LAMB1: variants seen among roughly 807,000 people sequenced by gnomAD.
LAMB1 encodes laminin subunit beta 1, also known as laminin subunit beta-1.
A neutral mutation model predicts 222.3 loss-of-function variants in LAMB1; 121 were observed. That is an observed-to-expected ratio of 0.54 (90% CI 0.47 to 0.63). LAMB1 has a LOEUF of 0.63. Among genes scored for constraint, LAMB1 ranks in the 30% least tolerant of loss-of-function variants. The probability of loss-of-function intolerance (pLI) is 0.00; values close to 1 mark genes in which losing one functional copy is unlikely to be tolerated. For synonymous variants in LAMB1, 794 were observed against 807.2 expected (o/e 0.98, Z 0.28); for missense variants, 2,172 against 2,240.8 (o/e 0.97, Z 0.62).
chr7:107,993,816 C>T (rs1229819180), intron 5 of LAMB1, among the ~76,000 whole-genome samples: 2 of 152,202 alleles, frequency 1.3e-5, no homozygotes, highest in Non-Finnish European at 2.9e-5. Flanking sequence ...ACCTTCCCCA[C>T]CACTCTCAAT....
chr7:107,974,718 T>A (rs2033816727), intron 12 of LAMB1, among the ~76,000 whole-genome samples: 1 of 152,232 alleles, frequency 6.6e-6, no homozygotes, highest in Non-Finnish European at 1.5e-5. Flanking sequence ...GATATCCTAA[T>A]AGTAAACATT....
intron 3 of LAMB1, 152 bp from the exon 4 acceptor site, chr7:107,998,644 C>T (rs1213103450): frequency 4.8e-6 from 3 of 623,464 alleles, no homozygotes; most frequent in African/African-American, 3.7e-5. Context: ...ATTTGTATCA[C>T]ATCTTTCACT....
At chr7:107,998,264 G>A in intron 4 of LAMB1, 93 bp downstream of exon 4, 1 of 1,272,906 alleles carries the variant, frequency 7.9e-7, no homozygotes, top group South Asian at 1.4e-5. Flanking sequence ...GGACAGAGAA[G>A]TGAATCATAA....
chr7:107,924,138 T>G (rs772064452), intron 33 of LAMB1, 51 bp from the exon 34 acceptor site: 2 of 1,525,372 alleles, frequency 1.3e-6, no homozygotes, highest in Non-Finnish European at 8.8e-7. Flanking sequence ...ACTATGATGA[T>G]CTCAAGACAA....
intron 9 of LAMB1, among the ~76,000 whole-genome samples, chr7:107,977,380 G>A (rs2033888502): frequency 6.6e-6 from 1 of 152,174 alleles, no homozygotes; most frequent in Non-Finnish European, 1.5e-5. Context: ...TATGCCAGAG[G>A]CCGCAGCTGG....
intron 24 of LAMB1, among the ~76,000 whole-genome samples, chr7:107,945,489 GT>G: frequency 6.6e-6 from 1 of 152,334 alleles, no homozygotes; most frequent in South Asian, 2.1e-4. Context: ...AGCTGAGACT[GT>G]TTCCCGAGGG....
intron 24 of LAMB1, among the ~76,000 whole-genome samples, chr7:107,950,153 C>T (rs866452121): frequency 6.6e-6 from 1 of 152,020 alleles, no homozygotes; most frequent in South Asian, 2.1e-4. Context: ...TCGCTTGAAC[C>T]CAGGAGGTGG....
intron 18 of LAMB1, 46 bp from the exon 19 acceptor site, chr7:107,959,880 C>T (rs761390100): frequency 6.3e-7 from 1 of 1,589,110 alleles, no homozygotes; most frequent in South Asian, 1.1e-5. Flanking sequence ...AGCAGCACAT[C>T]ATCGGGCTCT....
chr7:107,969,542 C>T (rs1469296532), intron 13 of LAMB1, among the ~76,000 whole-genome samples: 2 of 152,198 alleles, frequency 1.3e-5, no homozygotes, highest in South Asian at 2.1e-4. Flanking sequence ...GTAAGACCTA[C>T]GTCCTATAAT....
chr7:107,959,275 GT>G lies in LAMB1; in HGVS notation c.2663del (p.Asp888AlafsTer173). On this transcript the variant is annotated frameshift_variant, in exon 20 of 34. Transcript: ENST00000222399. LOFTEE classifies it high-confidence loss of function. ...TTTCACAGTTATGACCCATGGTGTA[GT>G]CCTGGCAGTTCAAGCACTCCCCAGT... is the stretch of plus-strand genomic sequence containing the variant. ...PVTGECLNCQ[D>X]YTMGHNCERC... 6.2e-7 allele frequency: 1 copy of G among 1,614,096 alleles called. No individual in the cohort carries two copies. Among genetic ancestry groups the G allele is most frequent in the Non-Finnish European group, 8.5e-7 (1 of 1,179,942 alleles).
chr7:107,953,257 T>C (rs62467995), intron 22 of LAMB1, among the ~76,000 whole-genome samples: 664 of 151,934 alleles, frequency 4.4e-3, no homozygotes, highest in Non-Finnish European at 8.0e-3. Flanking sequence ...CTCGGGAGGC[T>C]GAGGCATGAG....
intron 20 of LAMB1, among the ~76,000 whole-genome samples, chr7:107,958,261 A>G (rs1429220354): frequency 6.6e-6 from 1 of 152,170 alleles, no homozygotes; most frequent in African/African-American, 2.4e-5. Flanking sequence ...ATCTTTCTAC[A>G]ACACAATTTT....
chr7:108,001,171 C>T (rs2249956), intron 3 of LAMB1, among the ~76,000 whole-genome samples: 91,963 of 152,068 alleles, frequency 0.6, 29,306 homozygotes, highest in African/African-American at 0.81. Flanking sequence ...TCCTCTTTAC[C>T]CAAGTGAAGA....
chr7:107,966,707 T>A (rs528840679), intron 13 of LAMB1, among the ~76,000 whole-genome samples: 1 of 152,248 alleles, frequency 6.6e-6, no homozygotes, highest in African/African-American at 2.4e-5. Flanking sequence ...ATCCAAAACA[T>A]GAACCACCAA....
chr7:107,931,235 G>T, intron 29 of LAMB1, 121 bp downstream of exon 29: 1 of 788,108 alleles, frequency 1.3e-6, no homozygotes, highest in East Asian at 2.5e-5. Context: ...TTTAATATAC[G>T]GACGTTTTTC....
intron 13 of LAMB1, among the ~76,000 whole-genome samples, chr7:107,968,101 C>T (rs2033670588): frequency 6.6e-6 from 1 of 152,056 alleles, no homozygotes; most frequent in Admixed American, 6.6e-5. Context: ...GTGCCTTTAC[C>T]CATCTTTTCC....
In LAMB1 at chr7:107,926,241, G is replaced by T. The variant is rs376608761; in HGVS notation, c.5006C>A (p.Ala1669Glu). ...KRKAAQNSGE[A>E]EYIEKVVYTV... ...ATATACTACTTTTTCAATATATTCT[G>T]CCTCCCCGGAGTTTTGGGCAGCTTT... The change falls in exon 32 of 34, where the codon GCA (alanine) becomes GAA (glutamate). Residue 1669 changes from alanine to glutamate, a missense_variant. By Grantham distance (107) the Ala-to-Glu change is moderately radical (BLOSUM62 -1). Coordinates refer to ENST00000222399, the MANE Select transcript of LAMB1 (RefSeq NM_002291.3). 1.2e-5 allele frequency: 19 copies of T among 1,613,786 alleles called. No individual in the cohort carries two copies. The highest frequency in any genetic ancestry group is 1.4e-5 in the Non-Finnish European group (17 of 1,179,836).
In LAMB1 at chr7:107,980,647, C is replaced by G; in HGVS notation, c.841G>C (p.Ala281Pro). Residue 281 changes from alanine to proline, a missense_variant, in exon 8 of 34, where the codon GCC becomes CCC. Coordinates refer to ENST00000222399, the MANE Select transcript of LAMB1 (RefSeq NM_002291.3). ...TCTTCATTGAATCCATCCACAGGGG[C>G]ACATTCGCTGGCATGACCATAGCAG... ...CFCYGHASEC[A>P]PVDGFNEEVE... 1 of 1,614,086 alleles carries G rather than the reference C, an allele frequency of 6.2e-7. No individual in the cohort carries two copies. Among genetic ancestry groups the G allele is most frequent in the Non-Finnish European group, 8.5e-7 (1 of 1,180,012 alleles).
intron 25 of LAMB1, among the ~76,000 whole-genome samples, chr7:107,938,436 A>G (rs1211762621): frequency 6.6e-6 from 1 of 152,122 alleles, no homozygotes; most frequent in Non-Finnish European, 1.5e-5. Flanking sequence ...AAACAAGCAA[A>G]TCTAACATCG....
Sources: gnomAD v4.1 joint callset for allele counts (sites outside exome capture counted in the v4.1 genomes callset) on GRCh38, gnomAD v4.1.1 for gene constraint, MANE v1.5 for transcripts, NCBI Gene and HGNC (gene_info 2026-07-23, HGNC 2026-07-21) for gene names.